VPS26C: variants seen among roughly 807,000 people sequenced by gnomAD.
VPS26C encodes VPS26 endosomal protein sorting factor C.
A neutral mutation model predicts 30.6 loss-of-function variants in VPS26C; 19 were observed. The ratio of observed to expected loss-of-function variants is 0.62; its 90% CI spans 0.43 to 0.91. VPS26C has a LOEUF of 0.91. Ranked by LOEUF, VPS26C falls within the 40% of genes least tolerant of loss-of-function variation. The probability of loss-of-function intolerance (pLI) is 0.00; values close to 1 mark genes in which losing one functional copy is unlikely to be tolerated. For synonymous variants in VPS26C, 132 were observed against 151.5 expected, an observed-to-expected ratio of 0.87 and a Z score of 0.95; for missense variants, 318 against 385.1, an observed-to-expected ratio of 0.83 and a Z score of 1.46.
chr21:37,243,892 C>T (rs2086112090), intron 1 of VPS26C, among the ~76,000 whole-genome samples: 1 of 152,210 alleles, frequency 6.6e-6, no homozygotes, highest in Admixed American at 6.5e-5. Flanking sequence ...GAACGGAGTT[C>T]ATATCCAGGG....
chr21:37,228,278 G>A lies in VPS26C; in HGVS notation c.603C>T (p.Ser201=). The A allele has an allele frequency of 6.2e-7, 1 of 1,614,128 alleles. No homozygotes were observed. Among genetic ancestry groups the A allele is most frequent in the South Asian group, 1.1e-5 (1 of 91,086 alleles). The change falls in exon 6 of 8, where the codon AGC becomes AGT. Residue 201 remains serine (S), a synonymous_variant. Coordinates refer to ENST00000309117, the MANE Select transcript of VPS26C (RefSeq NM_006052.2). ...QPLTGELVVE[S]SEAAIRSVEL... ...CCACGCTTCTGATGGCGGCTTCCGA[G>A]CTCTCCACCACCAGCTCTCCCGTTA...
chr21:37,228,132 C>G, intron 6 of VPS26C, 91 bp downstream of exon 6: 1 of 1,520,490 alleles, frequency 6.6e-7, no homozygotes, highest in South Asian at 1.2e-5. Flanking sequence ...CGCCACTGTG[C>G]CCAGCCCCCC....
In VPS26C at chr21:37,232,403, G is replaced by C; in HGVS notation, c.481C>G (p.Pro161Ala). The stretch of plus-strand genomic sequence containing the variant: ...TCTTTGACGTTCTGTAAGGTTTCAG[G>C]TGTAATCGTGAAGTCCACGGGACTG... The part of the protein sequence containing the change: ...TPSPVDFTIT[P>A]ETLQNVKERA... The change falls in exon 5 of 8, where the codon CCT (proline) becomes GCT (alanine). Residue 161 changes from proline (P) to alanine (A), a missense_variant. Pro to Ala is a conservative substitution (Grantham distance 27, BLOSUM62 -1). Transcript: ENST00000309117. The C allele has an allele frequency of 6.2e-7, 1 of 1,614,204 alleles. No homozygotes were observed. The highest frequency in any genetic ancestry group is 8.5e-7 in the Non-Finnish European group (1 of 1,180,022).
chr21:37,229,520 T>G (rs547024606), intron 5 of VPS26C: 31 of 152,236 alleles, frequency 2.0e-4, no homozygotes, highest in African/African-American at 7.0e-4. Flanking sequence ...AAGCTGCGAG[T>G]GGAAGCCACA....
chr21:37,243,026 G>T lies in VPS26C; in HGVS notation c.58-2387C>A, dbSNP rs576244920. Among the ~76,000 whole-genome samples the T allele has an allele frequency of 3.9e-5, 6 of 152,260 alleles. No homozygotes were observed. The South Asian group carries it at 1.2e-3, about 32-fold the overall frequency. ...AAGGATAGGGAATTAGCCCACCTGA[G>T]GCCGAGGGCCAAGGGATTTAGAAAC... On this transcript the variant is annotated intron_variant, in intron 1 of 7. Transcript: ENST00000309117.
chr21:37,258,196 CCCGGCGT>C (rs1164667361), intron 1 of VPS26C, among the ~76,000 whole-genome samples: 2 of 152,250 alleles, frequency 1.3e-5, no homozygotes, highest in Non-Finnish European at 2.9e-5. Flanking sequence ...GCGCCTCCGC[CCCGGCGT>C]CCGGCAGCAG....
At chr21:37,228,137 C>A in intron 6 of VPS26C, 86 bp downstream of exon 6, 1 of 1,530,698 alleles carries the variant, frequency 6.5e-7, no homozygotes, top group Non-Finnish European at 8.8e-7. Flanking sequence ...CTGTGCCCAG[C>A]CCCCCAGCAT....
rs754214840 is a variant in VPS26C at position 37,232,459 on chromosome 21, G to A, written c.433-8C>T. Reference sequence around the variant, plus strand: ...AAACTTCCCCTTCTGAGGCTAAAACGAGAGGTGAAACCGAAATCAGTAGGT... The same window carrying A: ...AAACTTCCCCTTCTGAGGCTAAAACAAGAGGTGAAACCGAAATCAGTAGGT... On this transcript the variant is annotated splice_polypyrimidine_tract_variant and splice_region_variant and intron_variant, in intron 4 of 7. Coordinates refer to ENST00000309117, the MANE Select transcript of VPS26C (RefSeq NM_006052.2). The A allele has an allele frequency of 1.2e-5, 19 of 1,613,414 alleles. No homozygotes were observed. The highest frequency in any genetic ancestry group is 2.2e-5 in the East Asian group (1 of 44,874).
chr21:37,225,526 A>C lies in VPS26C; in HGVS notation c.*18T>G, dbSNP rs769881592. ...TTCCAGATGGCCACTCCCGTTCTCT[A>C]TGCTTCCCTCCTCCGGGCTATATCC... On this transcript the variant is annotated 3_prime_UTR_variant, in exon 8 of 8. Transcript: ENST00000309117. 3 of 1,611,562 alleles carry C rather than the reference A, an allele frequency of 1.9e-6. No homozygotes were observed. In the South Asian group the frequency reaches 3.3e-5, roughly 18 times the overall value.
intron 1 of VPS26C, among the ~76,000 whole-genome samples, chr21:37,255,820 A>G (rs1332490632): frequency 6.7e-6 from 1 of 148,316 alleles, no homozygotes; most frequent in Non-Finnish European, 1.5e-5. Flanking sequence ...AAATAAAGGC[A>G]AAATATTTAA....
intron 1 of VPS26C, chr21:37,266,993 C>T (rs9976050): frequency 9.2e-5 from 52 of 567,668 alleles, no homozygotes; most frequent in Admixed American, 2.1e-4. Context: ...GGCGCCTGCC[C>T]TGCACGTCCC....
chr21:37,226,622 G>A lies in VPS26C; in HGVS notation c.812-996C>T, dbSNP rs1272515993. 2.0e-5 allele frequency: 3 copies of A among 152,334 alleles called. No homozygotes were observed. Among genetic ancestry groups the A allele is most frequent in the African/African-American group, 4.8e-5 (2 of 41,448 alleles). The allele number at this position is 152,334 out of a possible 1,614,324, so 9.4% of individuals were successfully genotyped here. On this transcript the variant is annotated intron_variant, in intron 7 of 7. Transcript: ENST00000309117. The surrounding 1 kb of genome is among the most constrained non-coding windows in gnomAD (Gnocchi z 4.1). ...CCAGCAGGCAAGATAGGGAGCTGGC[G>A]GGGGCTTTCCTTTACAGCAGGAAAA...
chr21:37,267,568 C>T, upstream of VPS26C: 1 of 534,904 alleles, frequency 1.9e-6, no homozygotes, highest in South Asian at 2.2e-5. Flanking sequence ...GCCAAGCTAG[C>T]CCCACCCCTT....
chr21:37,267,210 T>G, intron 1 of VPS26C, 28 bp downstream of exon 1: 8 of 352,534 alleles, frequency 2.3e-5, no homozygotes, highest in Non-Finnish European at 3.8e-5. Context: ...CAACCCCACC[T>G]CCATCCCCAC....
intron 1 of VPS26C, among the ~76,000 whole-genome samples, chr21:37,247,070 G>A (rs1257236693): frequency 6.6e-6 from 1 of 152,126 alleles, no homozygotes; most frequent in Non-Finnish European, 1.5e-5. Flanking sequence ...TTTTCAGTAT[G>A]GTAGCTGTAA....
intron 3 of VPS26C, chr21:37,238,140 A>G (rs2148290580): frequency 3.7e-6 from 1 of 267,300 alleles, no homozygotes; most frequent in Middle Eastern, 1.2e-3. Flanking sequence ...TGCTAGTGCC[A>G]GAAAGAAGTT....
intron 1 of VPS26C, chr21:37,267,029 T>G: frequency 1.6e-6 from 1 of 611,056 alleles, no homozygotes; most frequent in East Asian, 3.0e-5. Context: ...GCGCCTGCCC[T>G]GGGGCCTCCT....
At position 37,225,469 on chromosome 21, in the gene VPS26C, G is replaced by T; in HGVS notation, c.*75C>A. On this transcript the variant is annotated 3_prime_UTR_variant, in exon 8 of 8. Coordinates refer to ENST00000309117, the MANE Select transcript of VPS26C (RefSeq NM_006052.2). ...AAACAAGTATATGCCGCTGGCTGTAGCTCCCCTTAGGATTTGGATAACCAG... is the reference window on the plus strand; with the variant it reads ...AAACAAGTATATGCCGCTGGCTGTATCTCCCCTTAGGATTTGGATAACCAG... 2 of 1,264,928 alleles carry T rather than the reference G, an allele frequency of 1.6e-6. No individual in the cohort carries two copies. Among genetic ancestry groups the T allele is most frequent in the Non-Finnish European group, 2.3e-6 (2 of 863,696 alleles). 78.4% of individuals were successfully genotyped at this position (1,264,928 alleles called of 1,614,324 possible).
intron 1 of VPS26C, among the ~76,000 whole-genome samples, chr21:37,263,558 A>G (rs2086326986): frequency 6.6e-6 from 1 of 152,168 alleles, no homozygotes; most frequent in African/African-American, 2.4e-5. Flanking sequence ...CCATTTCCTC[A>G]TTAGAAAAAT....
Sources: allele counts gnomAD v4.1 joint callset (sites outside exome capture counted in the v4.1 genomes callset), GRCh38; gene constraint gnomAD v4.1.1; non-coding constraint Gnocchi (gnomAD v3.1); transcripts MANE v1.5; gene names NCBI Gene and HGNC (gene_info 2026-07-23, HGNC 2026-07-21).